NOX4: variants seen among roughly 807,000 people sequenced by gnomAD.
The protein encoded by NOX4 is NADPH oxidase 4.
In NOX4, 69 loss-of-function variants were observed where a neutral mutation model predicts 87.6. The ratio of observed to expected loss-of-function variants is 0.79; its 90% CI spans 0.65 to 0.96. NOX4 has a LOEUF of 0.96. Among genes scored for constraint, NOX4 ranks in the 40% least tolerant of loss-of-function variants. The pLI, the probability that NOX4 is intolerant of heterozygous loss-of-function variation, is 0.00. For missense variants in NOX4, 680 were observed against 681.5 expected (o/e 1.00, Z 0.02); for synonymous variants, 275 against 238.2 (o/e 1.15, Z -1.42).
At position 89,324,564 on chromosome 11, in the gene NOX4, CAG is replaced by C. The variant is rs1239015173; in HGVS notation, c.*2190_*2191del. On this transcript the variant is annotated 3_prime_UTR_variant, in exon 18 of 18. Transcript: ENST00000263317. ...AAGCAAGGAGGCTCATCTAGAATGG[CAG>C]ACCAGCTTTGAAACATCATCTTTCT... 1 of 152,158 alleles carries C rather than the reference CAG, an allele frequency of 6.6e-6. No individual in the cohort carries two copies. Among genetic ancestry groups the C allele is most frequent in the Non-Finnish European group, 1.5e-5 (1 of 68,028 alleles). The allele number at this position is 152,158 out of a possible 1,614,324, so 9.4% of individuals were successfully genotyped here.
intron 7 of NOX4, among the ~76,000 whole-genome samples, chr11:89,427,267 G>A (rs575694385): frequency 7.2e-5 from 11 of 152,108 alleles, no homozygotes; most frequent in African/African-American, 2.4e-4. Context: ...CCACAAAGAT[G>A]GGGAAAAAAA....
At chr11:89,482,278 A>G (rs1946423529) in intron 2 of NOX4, among the ~76,000 whole-genome samples, 1 of 152,202 alleles carries the variant, frequency 6.6e-6, no homozygotes, top group South Asian at 2.1e-4. Flanking sequence ...AAAAAAATAC[A>G]TTAACTTCAA....
intron 12 of NOX4, among the ~76,000 whole-genome samples, chr11:89,363,277 A>G (rs1453579601): frequency 6.6e-5 from 10 of 152,138 alleles, no homozygotes; most frequent in Admixed American, 6.6e-4. Flanking sequence ...GCTCTGTTAC[A>G]TATATATCAA....
At chr11:89,527,079 T>C in the NOX4 span, among the ~76,000 whole-genome samples, 4 of 152,312 alleles carry the variant, frequency 2.6e-5, no homozygotes, top group South Asian at 2.1e-4. Context: ...AAGGTGACTC[T>C]TACTATGCTT....
At chr11:89,455,622 G>A (rs1470897072) in intron 2 of NOX4, among the ~76,000 whole-genome samples, 1 of 151,710 alleles carries the variant, frequency 6.6e-6, no homozygotes, top group Non-Finnish European at 1.5e-5. Context: ...AAGCTTGTAT[G>A]TCCACCAATA....
chr11:89,517,087 T>G, the NOX4 span, among the ~76,000 whole-genome samples: 2 of 152,188 alleles, frequency 1.3e-5, no homozygotes, highest in African/African-American at 4.8e-5. Flanking sequence ...GCAAAGGGCT[T>G]AAATGACCAC....
intron 12 of NOX4, among the ~76,000 whole-genome samples, chr11:89,360,026 C>T (rs1938399521): frequency 6.6e-6 from 1 of 151,874 alleles, no homozygotes; most frequent in Non-Finnish European, 1.5e-5. Flanking sequence ...CTATTAAAGT[C>T]TTTACCTTAG....
intron 2 of NOX4, among the ~76,000 whole-genome samples, chr11:89,467,047 A>G (rs781650462): frequency 2.6e-4 from 40 of 152,244 alleles, no homozygotes; most frequent in Admixed American, 7.9e-4. Context: ...TTTGTAGGTT[A>G]CATTAAGAAT....
intron 5 of NOX4, among the ~76,000 whole-genome samples, chr11:89,441,849 C>G (rs1944469016): frequency 6.6e-6 from 1 of 151,456 alleles, no homozygotes; most frequent in Non-Finnish European, 1.5e-5. Context: ...AGGGTGAGTC[C>G]TTGCATGCAG....
chr11:89,517,883 T>C, the NOX4 span, among the ~76,000 whole-genome samples: 414 of 152,198 alleles, frequency 2.7e-3, 3 homozygotes, highest in African/African-American at 9.5e-3. Flanking sequence ...ACTTAATAAA[T>C]GTTTACTGAA....
At chr11:89,457,337 C>T (rs1017166542) in intron 2 of NOX4, among the ~76,000 whole-genome samples, 3 of 152,214 alleles carry the variant, frequency 2.0e-5, no homozygotes, top group South Asian at 2.1e-4. Flanking sequence ...AACTCTGCCT[C>T]TGCCACCGCC....
the NOX4 span, chr11:89,548,082 A>T: frequency 2.0e-5 from 3 of 152,092 alleles, no homozygotes; most frequent in Non-Finnish European, 2.9e-5. Flanking sequence ...AAATATGTAT[A>T]AATTTTGTAG....
chr11:89,509,577 A>G, the NOX4 span, among the ~76,000 whole-genome samples: 1 of 152,072 alleles, frequency 6.6e-6, no homozygotes, highest in Admixed American at 6.6e-5. Flanking sequence ...ATAAATACAT[A>G]AAGATTTAGG....
the NOX4 span, among the ~76,000 whole-genome samples, chr11:89,585,300 C>T: frequency 6.6e-6 from 1 of 152,162 alleles, no homozygotes; most frequent in Non-Finnish European, 1.5e-5. Flanking sequence ...TTTCTTACCT[C>T]TCTTAAAATT....
chr11:89,520,144 A>G, the NOX4 span, among the ~76,000 whole-genome samples: 1 of 151,982 alleles, frequency 6.6e-6, no homozygotes, highest in African/African-American at 2.4e-5. Context: ...GTAGCTCCCC[A>G]ATATGGAAGA....
chr11:89,577,673 C>A, the NOX4 span: 1 of 152,210 alleles, frequency 6.6e-6, no homozygotes, highest in East Asian at 1.9e-4. Flanking sequence ...CAGAGAAAAA[C>A]TTTTTTCTAT....
chr11:89,435,454 T>C (rs1944035948), intron 6 of NOX4, among the ~76,000 whole-genome samples: 1 of 152,110 alleles, frequency 6.6e-6, no homozygotes, highest in Non-Finnish European at 1.5e-5. Context: ...AGTGTATTAT[T>C]TGAAAATTAA....
At chr11:89,341,854 C>T (rs1946017409) in intron 14 of NOX4, among the ~76,000 whole-genome samples, 1 of 152,146 alleles carries the variant, frequency 6.6e-6, no homozygotes, top group Non-Finnish European at 1.5e-5. Context: ...CAGAGGAGTG[C>T]ATAACTGTGA....
intron 12 of NOX4, among the ~76,000 whole-genome samples, chr11:89,355,899 G>A (rs1428043226): frequency 1.3e-5 from 2 of 152,084 alleles, no homozygotes; most frequent in Non-Finnish European, 2.9e-5. Flanking sequence ...AATGGAAGCA[G>A]CTCAGTTGCT....
Sources: gnomAD v4.1 joint callset for allele counts (sites outside exome capture counted in the v4.1 genomes callset) on GRCh38, gnomAD v4.1.1 for gene constraint, MANE v1.5 for transcripts, NCBI Gene and HGNC (gene_info 2026-07-23, HGNC 2026-07-21) for gene names.